ZNF844: variants seen among roughly 807,000 people sequenced by gnomAD.
The protein encoded by ZNF844 is zinc finger protein 844.
Under a neutral mutation model 11.4 loss-of-function variants are expected in ZNF844, and 11 were observed. That is an observed-to-expected ratio of 0.97 (90% CI 0.61 to 1.60). The LOEUF is 1.60. Among genes scored for constraint, ZNF844 ranks in the 40% most tolerant of loss-of-function variants. The pLI is 0.00. For synonymous variants in ZNF844, 248 were observed against 260.3 expected (o/e 0.95, Z 0.46); for missense variants, 790 against 796.8 (o/e 0.99, Z 0.10).
chr19:12,075,581 C>T lies in ZNF844; in HGVS notation c.461C>T (p.Pro154Leu), dbSNP rs2145547951. ...CGTAAGAAAGCCTTCAGATGTCACC[C>T]CTCCTTTCAAATGCAAGAAAAGGCT... ...QQRKKAFRCH[P>L]SFQMQEKAHT... Residue 154 changes from proline (P) to leucine (L), a missense_variant, in exon 4 of 4, where the codon CCC becomes CTC. This residue lies in a region of ZNF844 where 657 missense variants were observed against 636.2 expected (regional missense o/e 1.03). Transcript: ENST00000439326. 1 of 1,613,928 alleles carries T rather than the reference C, an allele frequency of 6.2e-7. No individual in the cohort carries two copies. The highest frequency in any genetic ancestry group is 8.5e-7 in the Non-Finnish European group (1 of 1,179,966).
At chr19:12,070,996 G>A (rs1006381100) in intron 1 of ZNF844, among the ~76,000 whole-genome samples, 2 of 152,092 alleles carry the variant, frequency 1.3e-5, no homozygotes, top group Admixed American at 1.3e-4. Flanking sequence ...CTATAACTGG[G>A]CTCTGCAGGA....
chr19:12,073,497 T>A (rs1975774157), intron 1 of ZNF844, among the ~76,000 whole-genome samples: 1 of 152,128 alleles, frequency 6.6e-6, no homozygotes, highest in African/African-American at 2.4e-5. Context: ...ATGAGTTTTT[T>A]ATTTAGATAG....
Position 12,077,754 on chromosome 19 carries a change from A to T in ZNF844, c.*633A>T. On this transcript the variant is annotated 3_prime_UTR_variant, in exon 4 of 4. Transcript: ENST00000439326. Reference sequence around the variant, plus strand: ...ATATGGGAAAGCCTTCAGATTTGCTAAGAACCTTCAAATACAGACAATGAA... The same window carrying T: ...ATATGGGAAAGCCTTCAGATTTGCTTAGAACCTTCAAATACAGACAATGAA... 4 of 380,790 alleles carry T rather than the reference A, an allele frequency of 1.1e-5. No homozygotes were observed. In the East Asian group the frequency reaches 2.6e-4, roughly 24 times the overall value. 23.6% of individuals were successfully genotyped at this position (380,790 alleles called of 1,614,324 possible). A position where few individuals can be genotyped will look rare whatever the true frequency, so the allele number is the denominator to read the frequency against.
Position 12,081,048 on chromosome 19 carries a change from C to G in ZNF844, c.*3927C>G, listed in dbSNP as rs1975892073. ...GGGATTATAGGCGTGATCCACTGTGCCTGGCCTGGTGTTTCTTTAGGTATA... is the reference window on the plus strand; with the variant it reads ...GGGATTATAGGCGTGATCCACTGTGGCTGGCCTGGTGTTTCTTTAGGTATA... On this transcript the variant is annotated 3_prime_UTR_variant, in exon 4 of 4. Coordinates refer to ENST00000439326, the MANE Select transcript of ZNF844 (RefSeq NM_001136501.3). The G allele has an allele frequency of 6.6e-6, 1 of 152,236 alleles. No individual in the cohort carries two copies. The highest frequency in any genetic ancestry group is 1.5e-5 in the Non-Finnish European group (1 of 68,082). The allele number at this position is 152,236 out of a possible 1,614,324, so 9.4% of individuals were successfully genotyped here.
At chr19:12,065,591 G>A (rs141853242) in intron 1 of ZNF844, among the ~76,000 whole-genome samples, 25 of 151,950 alleles carry the variant, frequency 1.6e-4, no homozygotes, top group African/African-American at 5.8e-4. Flanking sequence ...CAGTCTCCCC[G>A]AAGGCTTATA....
intron 1 of ZNF844, among the ~76,000 whole-genome samples, chr19:12,066,271 G>A (rs1426705055): frequency 6.6e-6 from 1 of 151,846 alleles, no homozygotes; most frequent in African/African-American, 2.4e-5. Flanking sequence ...GTGGGAAATG[G>A]TCCTCCTGAG....
Position 12,076,092 on chromosome 19 carries a change from T to A in ZNF844, c.972T>A (p.Leu324=). 6.4e-7 allele frequency: 1 copy of A among 1,566,142 alleles called. No homozygotes were observed. Among genetic ancestry groups the A allele is most frequent in the Non-Finnish European group, 8.7e-7 (1 of 1,154,620 alleles). ...AAGCATTCAAGTGTCCCAGTTATCT[T>A]TGTAGACATGAAGTGACCCACTCTG... ...CGKAFKCPSY[L]CRHEVTHSGK... Residue 324 remains leucine (L), a synonymous_variant, in exon 4 of 4, where the codon CTT becomes CTA. Coordinates refer to ENST00000439326, the MANE Select transcript of ZNF844 (RefSeq NM_001136501.3).
In ZNF844 at chr19:12,075,301, AT is replaced by A. The variant is rs1441690424; in HGVS notation, c.192-6del. The A allele has an allele frequency of 1.4e-6, 2 of 1,385,370 alleles. No homozygotes were observed. Among genetic ancestry groups the A allele is most frequent in the African/African-American group, 2.9e-5 (2 of 68,110 alleles). 85.8% of individuals were successfully genotyped at this position (1,385,370 alleles called of 1,614,324 possible). On this transcript the variant is annotated splice_polypyrimidine_tract_variant and intron_variant, in intron 3 of 3. Transcript: ENST00000439326. Reference sequence around the variant, plus strand: ...ACAAACCTTCAATAATGTGTTTCTCATTTTTCACAGAAGTCTTCTGGGAGAG... The same window carrying A: ...ACAAACCTTCAATAATGTGTTTCTCATTTTCACAGAAGTCTTCTGGGAGAG...
chr19:12,064,781 C>T lies in ZNF844; in HGVS notation c.-93C>T. The T allele has an allele frequency of 7.0e-7, 1 of 1,435,376 alleles. No homozygotes were observed. The highest frequency in any genetic ancestry group is 1.4e-5 in the African/African-American group (1 of 69,318). The allele number at this position is 1,435,376 out of a possible 1,614,324, so 88.9% of individuals were successfully genotyped here. A position where few individuals can be genotyped will look rare whatever the true frequency, so the allele number is the denominator to read the frequency against. On this transcript the variant is annotated 5_prime_UTR_variant, in exon 1 of 4. Coordinates refer to ENST00000439326, the MANE Select transcript of ZNF844 (RefSeq NM_001136501.3). ...AGGTTGGCACCCCGTTTTTCCTGCT[C>T]TGAGAGGGACCGGTTGCCACCGCCA...
At chr19:12,066,530 CTTTTTTTT>C (rs80186949) in intron 1 of ZNF844, among the ~76,000 whole-genome samples, 44 of 92,324 alleles carry the variant, frequency 4.8e-4, no homozygotes, top group Admixed American at 1.4e-3. Context: ...TAAATGTCTT[CTTTTTTTT>C]TTTTTTTTTT....
intron 1 of ZNF844, among the ~76,000 whole-genome samples, chr19:12,065,160 G>A (rs901681755): frequency 6.6e-6 from 1 of 152,038 alleles, no homozygotes; most frequent in Non-Finnish European, 1.5e-5. Flanking sequence ...GCAGCCCGGA[G>A]CCTCTCCATA....
chr19:12,079,171 G>A lies in ZNF844; in HGVS notation c.*2050G>A, dbSNP rs960545538. ...GGCCTTCTCCCCATTCATTTTCAAA[G>A]ACATAAAAGGATGCACAATAAAGAG... On this transcript the variant is annotated 3_prime_UTR_variant, in exon 4 of 4. Transcript: ENST00000439326. 1 of 152,016 alleles carries A rather than the reference G, an allele frequency of 6.6e-6. No homozygotes were observed. The highest frequency in any genetic ancestry group is 1.5e-5 in the Non-Finnish European group (1 of 68,008). 9.4% of individuals were successfully genotyped at this position (152,016 alleles called of 1,614,324 possible). A position where few individuals can be genotyped will look rare whatever the true frequency, so the allele number is the denominator to read the frequency against.
intron 1 of ZNF844, among the ~76,000 whole-genome samples, chr19:12,065,405 G>A (rs8106653): frequency 0.16 from 24,264 of 152,018 alleles, 3,488 homozygotes; most frequent in African/African-American, 0.38. Flanking sequence ...AACTGCTGTC[G>A]TGTTTTTGTT....
At chr19:12,071,035 C>T (rs1013680530) in intron 1 of ZNF844, among the ~76,000 whole-genome samples, 2 of 152,128 alleles carry the variant, frequency 1.3e-5, no homozygotes, top group Non-Finnish European at 2.9e-5. Context: ...AGGAAGTGGG[C>T]TCCGAGGAGC....
Position 12,076,208 on chromosome 19 carries a change from C to T in ZNF844, c.1088C>T (p.Pro363Leu). ...RHMKMHTRMR[P>L]YKCKTVEKPL... is the part of the protein sequence containing the mutation. Reference sequence around the variant, plus strand: ...ATGAAAATGCACACTAGAATGAGACCTTATAAATGTAAGACTGTGGAAAAG... The same window carrying T: ...ATGAAAATGCACACTAGAATGAGACTTTATAAATGTAAGACTGTGGAAAAG... Residue 363 changes from proline to leucine, a missense_variant, in exon 4 of 4, where the codon CCT becomes CTT. By Grantham distance (98) the Pro-to-Leu change is moderately conservative. Around this residue, in one of 3 missense-constraint regions of ZNF844, gnomAD observed 657 missense variants for 636.2 expected, o/e 1.03. Transcript: ENST00000439326. 6.3e-7 allele frequency: 1 copy of T among 1,595,208 alleles called. No individual in the cohort carries two copies. The highest frequency in any genetic ancestry group is 2.3e-5 in the East Asian group (1 of 43,694).
intron 3 of ZNF844, among the ~76,000 whole-genome samples, 162 bp from the exon 4 acceptor site, chr19:12,075,150 A>G (rs1975792858): frequency 6.6e-6 from 1 of 152,166 alleles, no homozygotes; most frequent in Non-Finnish European, 1.5e-5. Flanking sequence ...ACATGTATAC[A>G]TATGTAACAA....
At chr19:12,068,437 C>G (rs1975716809) in intron 1 of ZNF844, among the ~76,000 whole-genome samples, 1 of 152,094 alleles carries the variant, frequency 6.6e-6, no homozygotes, top group African/African-American at 2.4e-5. Flanking sequence ...ACCAGCCTGA[C>G]CAACATGGTG....
rs1358744654 is a variant in ZNF844 at position 12,081,009 on chromosome 19, C to T, written c.*3888C>T. The T allele has an allele frequency of 6.6e-6, 1 of 152,236 alleles. No individual in the cohort carries two copies. The highest frequency in any genetic ancestry group is 1.5e-5 in the Non-Finnish European group (1 of 68,078). The allele number at this position is 152,236 out of a possible 1,614,324, so 9.4% of individuals were successfully genotyped here. A position where few individuals can be genotyped will look rare whatever the true frequency, so the allele number is the denominator to read the frequency against. ...ACCTCAAGTGATCCGTCTGTCTTGG[C>T]CTTTCAAAATGCTGGGATTATAGGC... On this transcript the variant is annotated 3_prime_UTR_variant, in exon 4 of 4. Coordinates refer to ENST00000439326, the MANE Select transcript of ZNF844 (RefSeq NM_001136501.3).
At chr19:12,065,827 G>A (rs918236872) in intron 1 of ZNF844, among the ~76,000 whole-genome samples, 1 of 151,932 alleles carries the variant, frequency 6.6e-6, no homozygotes, top group African/African-American at 2.4e-5. Flanking sequence ...TAAAGACGGG[G>A]TTTCACCGTG....
Sources: allele counts gnomAD v4.1 joint callset (sites outside exome capture counted in the v4.1 genomes callset), GRCh38; gene constraint gnomAD v4.1.1; regional missense constraint gnomAD v4.1.1; transcripts MANE v1.5; gene names NCBI Gene and HGNC (gene_info 2026-07-23, HGNC 2026-07-21).